The following ANXA4 variants were observed in gnomAD, a reference collection of about 807,000 sequenced individuals.
ANXA4 encodes 35-beta calcimedin.
Under a neutral mutation model 49.8 loss-of-function variants are expected in ANXA4, and 39 were observed. The ratio of observed to expected loss-of-function variants is 0.78; its 90% CI spans 0.61 to 1.02. The LOEUF is 1.02. ANXA4 is among the 50% of genes least tolerant of loss of function. The pLI, the probability that ANXA4 is intolerant of heterozygous loss-of-function variation, is 0.00. For synonymous variants in ANXA4, 134 were observed against 152.5 expected (o/e 0.88, Z 0.89); for missense variants, 360 against 410.1 (o/e 0.88, Z 1.05).
At position 69,820,916 on chromosome 2, in the gene ANXA4, T is replaced by C; in HGVS notation, c.906+95T>C. On this transcript the variant is annotated intron_variant, in intron 12 of 12. Transcript: ENST00000394295. ...ACTTGTTGTCCCCCTCTTCTTGGCA[T>C]ATATCATTTCCCTTAAAGATTATGC... 3 of 1,333,186 alleles carry C rather than the reference T, an allele frequency of 2.3e-6. No homozygotes were observed. The South Asian group carries it at 4.5e-5, about 20-fold the overall frequency. 82.6% of individuals were successfully genotyped at this position (1,333,186 alleles called of 1,614,324 possible). A position where few individuals can be genotyped will look rare whatever the true frequency, so the allele number is the denominator to read the frequency against.
intron 8 of ANXA4, chr2:69,815,727 T>C: frequency 5.0e-6 from 1 of 201,216 alleles, no homozygotes; most frequent in Admixed American, 5.2e-5. Context: ...ATGAGGCCAA[T>C]GTGATTGAAG....
At chr2:69,797,933 G>A (rs1673010583) in intron 3 of ANXA4, among the ~76,000 whole-genome samples, 1 of 152,192 alleles carries the variant, frequency 6.6e-6, no homozygotes, top group African/African-American at 2.4e-5. Flanking sequence ...TGGTGCTAGT[G>A]GAATACCAGG....
At chr2:69,787,716 C>T (rs967649255) in intron 2 of ANXA4, among the ~76,000 whole-genome samples, 1 of 152,246 alleles carries the variant, frequency 6.6e-6, no homozygotes, top group Non-Finnish European at 1.5e-5. Context: ...TTGCCTCCAT[C>T]TTTGCATGAG....
At chr2:69,668,107 G>A (rs903545874) in intron 2 of ANXA4, among the ~76,000 whole-genome samples, 1 of 152,202 alleles carries the variant, frequency 6.6e-6, no homozygotes, top group African/African-American at 2.4e-5. Flanking sequence ...GGCAAAGAGT[G>A]TGGAGCCGGG....
intron 1 of ANXA4, among the ~76,000 whole-genome samples, chr2:69,757,958 CAAAAAA>C (rs11296004): frequency 1.1e-5 from 1 of 95,136 alleles, no homozygotes; most frequent in Non-Finnish European, 2.1e-5. Flanking sequence ...GACTTTGTCT[CAAAAAA>C]AAAAAAAAAA....
At position 69,729,312 on chromosome 2, in the gene ANXA4, G is replaced by C. The variant is rs150376164; in HGVS notation, n.864+8441G>C. ...TTACAGGTGTGAGCCACCATGCACG[G>C]CCCTCAATAACGTCTTATAATTTTC... is the stretch of plus-strand genomic sequence containing the variant. On this transcript the variant is annotated intron_variant and non_coding_transcript_variant, in intron 3 of 3. Coordinates refer to the ANXA4 transcript ENST00000418066. 7.2e-3 allele frequency among the ~76,000 whole-genome samples: 1,097 copies of C among 152,268 alleles called. 16 individuals are homozygous for C. The highest frequency in any genetic ancestry group is 0.025 in the African/African-American group (1,039 of 41,546).
At chr2:69,651,806 T>C (rs1359402323) in intron 1 of ANXA4, among the ~76,000 whole-genome samples, 1 of 54,156 alleles carries the variant, frequency 1.8e-5, no homozygotes. Context: ...CCGGCTTTTT[T>C]TTTTTTTTTT....
At position 69,825,558 on chromosome 2, in the gene ANXA4, AT is replaced by A. The variant is rs767314528; in HGVS notation, c.*50del. ...GACAGGAGGATTCTCAACACTTTGA[AT>A]TTTTTTAACTTCATTTTTCTACACT... On this transcript the variant is annotated 3_prime_UTR_variant, in exon 13 of 13. Coordinates refer to ENST00000394295, the MANE Select transcript of ANXA4 (RefSeq NM_001153.5). 6.6e-6 allele frequency: 10 copies of A among 1,505,170 alleles called. No individual in the cohort carries two copies. The African/African-American group carries it at 9.8e-5, about 15-fold the overall frequency. 93.2% of individuals were successfully genotyped at this position (1,505,170 alleles called of 1,614,324 possible). A position where few individuals can be genotyped will look rare whatever the true frequency, so the allele number is the denominator to read the frequency against.
At chr2:69,739,852 G>C (rs1163142054), upstream of ANXA4, among the ~76,000 whole-genome samples, 9 of 152,110 alleles carry the variant, frequency 5.9e-5, no homozygotes, top group Admixed American at 5.2e-4. Context: ...CTGTAGTGAG[G>C]GTATTCTCGA....
At chr2:69,677,414 G>A (rs996932639) in intron 2 of ANXA4, among the ~76,000 whole-genome samples, 2 of 151,898 alleles carry the variant, frequency 1.3e-5, no homozygotes, top group Non-Finnish European at 2.9e-5. Context: ...ATTTTTAGTA[G>A]AGACAGGGTT....
At chr2:69,714,964 C>T (rs992492493) in intron 2 of ANXA4, among the ~76,000 whole-genome samples, 1 of 152,206 alleles carries the variant, frequency 6.6e-6, no homozygotes. Flanking sequence ...TGTGGAGATG[C>T]TTTGGAGAGC....
intron 1 of ANXA4, among the ~76,000 whole-genome samples, chr2:69,769,635 C>T (rs577987801): frequency 3.9e-4 from 60 of 152,192 alleles, no homozygotes; most frequent in African/African-American, 1.2e-3. Flanking sequence ...GCAGAGAAGG[C>T]GTGGGATGTT....
chr2:69,707,659 T>C (rs772066183), intron 2 of ANXA4, among the ~76,000 whole-genome samples: 1 of 152,244 alleles, frequency 6.6e-6, no homozygotes, highest in African/African-American at 2.4e-5. Flanking sequence ...GATACAGGCA[T>C]GCTACGCATA....
intron 2 of ANXA4, among the ~76,000 whole-genome samples, chr2:69,692,676 C>A (rs1041838513): frequency 1.2e-4 from 19 of 152,196 alleles, no homozygotes; most frequent in Non-Finnish European, 5.9e-5. Flanking sequence ...AATCCAGTTC[C>A]TCTAAGTAGA....
intron 1 of ANXA4, among the ~76,000 whole-genome samples, chr2:69,776,230 C>T (rs1211548624): frequency 1.3e-5 from 2 of 152,128 alleles, no homozygotes; most frequent in East Asian, 3.9e-4. Context: ...CCCACCTCAG[C>T]CTCCCAAAGT....
At chr2:69,711,438 A>G (rs1241333414) in intron 2 of ANXA4, among the ~76,000 whole-genome samples, 2 of 152,248 alleles carry the variant, frequency 1.3e-5, no homozygotes, top group Non-Finnish European at 2.9e-5. Flanking sequence ...GACAGAAACC[A>G]GGCATCAAAG....
chr2:69,726,523 A>T (rs1233993067), intron 3 of ANXA4, among the ~76,000 whole-genome samples: 2 of 152,200 alleles, frequency 1.3e-5, no homozygotes, highest in Non-Finnish European at 2.9e-5. Context: ...TCTTTAATAT[A>T]AACTTTTAAT....
At chr2:69,670,431 T>C (rs1677130365) in intron 2 of ANXA4, among the ~76,000 whole-genome samples, 2 of 112,474 alleles carry the variant, frequency 1.8e-5, no homozygotes, top group South Asian at 5.7e-4. Flanking sequence ...AGAGCGAGAC[T>C]CAATCTCAAA....
chr2:69,755,372 C>G (rs1020035422), intron 1 of ANXA4, among the ~76,000 whole-genome samples: 2 of 152,220 alleles, frequency 1.3e-5, no homozygotes, highest in Admixed American at 6.5e-5. Context: ...GTAATCCCAG[C>G]ACTTTGGGAG....
Sources: gnomAD v4.1 joint callset for allele counts (sites outside exome capture counted in the v4.1 genomes callset) on GRCh38, gnomAD v4.1.1 for gene constraint, MANE v1.5 for transcripts, NCBI Gene and HGNC (gene_info 2026-07-23, HGNC 2026-07-21) for gene names.